The following AKR1B1 variants were observed in gnomAD, a reference collection of about 807,000 sequenced individuals.
The protein encoded by AKR1B1 is aldo-keto reductase family 1 member B, also known as aldo-keto reductase family 1 member B1.
In AKR1B1, 22 loss-of-function variants were observed where a neutral mutation model predicts 40.4. The ratio of observed to expected loss-of-function variants is 0.54; its 90% CI spans 0.39 to 0.78. The LOEUF is 0.78. Among genes scored for constraint, AKR1B1 ranks in the 30% least tolerant of loss-of-function variants. The probability of loss-of-function intolerance (pLI) is 0.00; values close to 1 mark genes in which losing one functional copy is unlikely to be tolerated. For missense variants in AKR1B1, 357 were observed against 396.7 expected, an observed-to-expected ratio of 0.90 and a Z score of 0.85; for synonymous variants, 157 against 149.9, an observed-to-expected ratio of 1.05 and a Z score of -0.35.
At position 134,450,006 on chromosome 7, in the gene AKR1B1, A is replaced by G. The variant is rs1303343788; in HGVS notation, c.352-209T>C. Among the ~76,000 whole-genome samples, 3 of 152,308 alleles carry G rather than the reference A, an allele frequency of 2.0e-5. No individual in the cohort carries two copies. In the East Asian group the frequency reaches 5.8e-4, roughly 29 times the overall value. ...GAGACTGTCAGACGGAGACATGGAC[A>G]CTACTTGGTCACAGAGACTAGCCCC... On this transcript the variant is annotated intron_variant, in intron 3 of 9. Transcript: ENST00000285930.
chr7:134,459,092 G>GT lies in AKR1B1; in HGVS notation c.-31dup. On this transcript the variant is annotated 5_prime_UTR_variant, in exon 1 of 10. Transcript: ENST00000285930. Reference sequence around the variant, plus strand: ...GCTGCGCTCCCCAGACCCCCGCCCAGTACGGTGCGGCCTTGGCCGCGGCGC... The same window carrying GT: ...GCTGCGCTCCCCAGACCCCCGCCCAGTTACGGTGCGGCCTTGGCCGCGGCGC... 1 of 1,590,270 alleles carries GT rather than the reference G, an allele frequency of 6.3e-7. No homozygotes were observed. The highest frequency in any genetic ancestry group is 8.6e-7 in the Non-Finnish European group (1 of 1,169,048).
Position 134,453,980 on chromosome 7 carries a change from A to C in AKR1B1, c.67-2227T>G, listed in dbSNP as rs561284841. On this transcript the variant is annotated intron_variant, in intron 1 of 9. Transcript: ENST00000285930. ...CAACATCTCCCCATTCCATGTCAAC[A>C]AAGAGAAAATGCAAACAGAAGGAGG... 5.9e-5 allele frequency among the ~76,000 whole-genome samples: 9 copies of C among 152,310 alleles called. No individual in the cohort carries two copies. The East Asian group carries it at 1.7e-3, about 29-fold the overall frequency.
At chr7:134,446,417 T>C (rs1171649941) in intron 8 of AKR1B1, among the ~76,000 whole-genome samples, 1 of 152,230 alleles carries the variant, frequency 6.6e-6, no homozygotes, top group African/African-American at 2.4e-5. Context: ...AATCAGCTGC[T>C]CACCTAAGCT....
At chr7:134,455,732 CA>C (rs149220644) in intron 1 of AKR1B1, among the ~76,000 whole-genome samples, 2,223 of 151,280 alleles carry the variant, frequency 0.015, 57 homozygotes, top group African/African-American at 0.051. Flanking sequence ...TACAGGCACC[CA>C]CCACCATGCC....
intron 1 of AKR1B1, 47 bp from the exon 2 acceptor site, chr7:134,451,800 A>G: frequency 6.3e-7 from 1 of 1,595,600 alleles, no homozygotes; most frequent in Non-Finnish European, 8.6e-7. Context: ...GAGTCTGCAC[A>G]GCAAGGAGGA....
At chr7:134,448,184 G>C in intron 6 of AKR1B1, 123 bp from the exon 7 acceptor site, 1 of 953,836 alleles carries the variant, frequency 1.0e-6, no homozygotes, top group Admixed American at 2.0e-5. Flanking sequence ...CTCAGAGCTG[G>C]GTTAAGAACC....
At chr7:134,449,295 A>C (rs1806205189) in intron 4 of AKR1B1, 176 bp from the exon 5 acceptor site, 2 of 906,582 alleles carry the variant, frequency 2.2e-6, no homozygotes, top group South Asian at 1.4e-5. Flanking sequence ...TGAGATAAGA[A>C]GAGCAAACAG....
rs760872489 is a variant in AKR1B1 at position 134,459,097 on chromosome 7, G to T, written c.-35C>A. 30 of 1,586,364 alleles carry T rather than the reference G, an allele frequency of 1.9e-5. No individual in the cohort carries two copies. In the South Asian group the frequency reaches 3.5e-4, roughly 18 times the overall value. On this transcript the variant is annotated 5_prime_UTR_variant, in exon 1 of 10. Coordinates refer to ENST00000285930, the MANE Select transcript of AKR1B1 (RefSeq NM_001628.4). ...GCTCCCCAGACCCCCGCCCAGTACG[G>T]TGCGGCCTTGGCCGCGGCGCGTACC...
chr7:134,447,626 C>T (rs1190811824), intron 7 of AKR1B1: 1 of 626,838 alleles, frequency 1.6e-6, no homozygotes, highest in African/African-American at 1.8e-5. Flanking sequence ...TATCATGAGA[C>T]CACATGAGGC....
At position 134,448,030 on chromosome 7, in the gene AKR1B1, C is replaced by A; in HGVS notation, c.691G>T (p.Asp231Tyr). 1 of 1,613,270 alleles carries A rather than the reference C, an allele frequency of 6.2e-7. No homozygotes were observed. The highest frequency in any genetic ancestry group is 1.1e-5 in the South Asian group (1 of 90,740). The change falls in exon 7 of 10, where the codon GAT becomes TAT. Residue 231 changes from aspartate to tyrosine, a missense_variant. Asp to Tyr is a radical substitution (Grantham distance 160). Transcript: ENST00000285930. ...AKPEDPSLLE[D>Y]PRIKAIAAKH... ...GCTGCGATCGCCTTGATCCTGGGAT[C>A]CTCCAGGAGAGAAGGGTCCTCGGGC...
At chr7:134,443,398 G>C (rs1245675142) in intron 9 of AKR1B1, among the ~76,000 whole-genome samples, 1 of 151,780 alleles carries the variant, frequency 6.6e-6, no homozygotes, top group African/African-American at 2.4e-5. Flanking sequence ...GGGTGACAGA[G>C]TAGGAGCCCA....
intron 1 of AKR1B1, among the ~76,000 whole-genome samples, chr7:134,457,058 A>C (rs1806492397): frequency 2.0e-5 from 3 of 152,006 alleles, no homozygotes; most frequent in African/African-American, 7.3e-5. Flanking sequence ...GGACCACTTG[A>C]GCCCAAGAGG....
intron 1 of AKR1B1, among the ~76,000 whole-genome samples, chr7:134,456,999 G>A (rs1380971741): frequency 2.0e-5 from 3 of 152,142 alleles, no homozygotes; most frequent in Admixed American, 1.3e-4. Flanking sequence ...CTACCCGAGT[G>A]TGGTGGCACA....
chr7:134,448,479 T>C lies in AKR1B1; in HGVS notation c.567A>G (p.Pro189=). ...KPAVNQIECH[P]YLTQEKLIQY... The stretch of plus-strand genomic sequence containing the variant: ...GGATTAACTTCTCCTGAGTGAGATA[T>C]GGGTGGCACTCAATCTGCAAATGCA... Residue 189 remains proline (P), a synonymous_variant, in exon 6 of 10, where the codon CCA becomes CCG. Transcript: ENST00000285930. The C allele has an allele frequency of 6.2e-7, 1 of 1,613,850 alleles. No homozygotes were observed. Among genetic ancestry groups the C allele is most frequent in the South Asian group, 1.1e-5 (1 of 91,066 alleles).
chr7:134,442,844 A>G (rs1458248527), intron 9 of AKR1B1, 74 bp from the exon 10 acceptor site: 1 of 1,368,344 alleles, frequency 7.3e-7, no homozygotes, highest in African/African-American at 1.4e-5. Context: ...CAACAGAGAA[A>G]TGATGTGTCT....
At chr7:134,458,112 C>T (rs1254312093) in intron 1 of AKR1B1, among the ~76,000 whole-genome samples, 1 of 152,200 alleles carries the variant, frequency 6.6e-6, no homozygotes, top group Admixed American at 6.5e-5. Flanking sequence ...TCCCATACCA[C>T]CACCTTTGTT....
intron 9 of AKR1B1, among the ~76,000 whole-genome samples, chr7:134,443,151 T>C (rs113193818): frequency 0.013 from 2,005 of 152,358 alleles, 53 homozygotes; most frequent in African/African-American, 0.046. Context: ...CCAGACACAG[T>C]GGCTCACGCC....
chr7:134,457,558 T>C (rs1482108137), intron 1 of AKR1B1, among the ~76,000 whole-genome samples: 3 of 152,330 alleles, frequency 2.0e-5, no homozygotes, highest in Non-Finnish European at 4.4e-5. Flanking sequence ...TCTTACCTTA[T>C]ATTTACTAAT....
intron 5 of AKR1B1, 60 bp downstream of exon 5, chr7:134,448,937 A>T: frequency 1.2e-6 from 2 of 1,609,624 alleles, no homozygotes; most frequent in Non-Finnish European, 1.7e-6. Context: ...AGAAATCCCT[A>T]CCAGCATCAG....
Sources: gnomAD v4.1 joint callset for allele counts (sites outside exome capture counted in the v4.1 genomes callset) on GRCh38, gnomAD v4.1.1 for gene constraint, MANE v1.5 for transcripts, NCBI Gene and HGNC (gene_info 2026-07-23, HGNC 2026-07-21) for gene names.